C7orf33: variants seen among roughly 807,000 people sequenced by gnomAD.
The protein encoded by C7orf33 is chromosome 7 open reading frame 33.
Under a neutral mutation model 13.4 loss-of-function variants are expected in C7orf33, and 15 were observed. The observed-to-expected ratio is 1.12, with a 90% CI of 0.75 to 1.72. C7orf33 has a LOEUF of 1.72. Ranked by LOEUF, C7orf33 falls within the 40% of genes most tolerant of loss-of-function variation. The probability of loss-of-function intolerance (pLI) is 0.00; values close to 1 mark genes in which losing one functional copy is unlikely to be tolerated. For missense variants in C7orf33, 187 were observed against 220.3 expected, an observed-to-expected ratio of 0.85 and a Z score of 0.96; for synonymous variants, 73 against 83.2, an observed-to-expected ratio of 0.88 and a Z score of 0.67.
intron 1 of C7orf33, among the ~76,000 whole-genome samples, chr7:148,599,925 G>A (rs932423931): frequency 2.6e-5 from 4 of 152,128 alleles, no homozygotes; most frequent in African/African-American, 9.7e-5. Context: ...CACAGCTTAC[G>A]CGTCCAAACT....
At chr7:148,600,129 A>C (rs1189301748) in intron 1 of C7orf33, among the ~76,000 whole-genome samples, 3 of 152,102 alleles carry the variant, frequency 2.0e-5, no homozygotes, top group Non-Finnish European at 4.4e-5. Context: ...ACCTCTAGCC[A>C]TTTGGGGATG....
chr7:148,600,580 C>T (rs1186428156), intron 1 of C7orf33, among the ~76,000 whole-genome samples: 1 of 152,146 alleles, frequency 6.6e-6, no homozygotes, highest in African/African-American at 2.4e-5. Flanking sequence ...ATGAGGTTTT[C>T]AAATTTTCAA....
intron 1 of C7orf33, among the ~76,000 whole-genome samples, chr7:148,596,818 C>T (rs1007328238): frequency 6.6e-6 from 1 of 152,146 alleles, no homozygotes; most frequent in African/African-American, 2.4e-5. Flanking sequence ...CCACTCCCTT[C>T]CTCCCCCACT....
At chr7:148,607,625 G>A (rs1796488964) in intron 1 of C7orf33, among the ~76,000 whole-genome samples, 1 of 152,082 alleles carries the variant, frequency 6.6e-6, no homozygotes, top group Admixed American at 6.6e-5. Context: ...CTATCTGACT[G>A]ATCAGAAGAC....
intron 1 of C7orf33, among the ~76,000 whole-genome samples, chr7:148,607,073 T>C (rs1796481949): frequency 6.6e-6 from 1 of 151,962 alleles, no homozygotes; most frequent in Admixed American, 6.6e-5. Context: ...CTCAAAGAAA[T>C]AGCTTTGAAT....
chr7:148,608,165 ACGCCTG>A (rs1330786270), intron 1 of C7orf33, among the ~76,000 whole-genome samples: 1 of 152,234 alleles, frequency 6.6e-6, no homozygotes, highest in Non-Finnish European at 1.5e-5. Context: ...GCTGTGGCTT[ACGCCTG>A]TATTCCCAGC....
intron 1 of C7orf33, among the ~76,000 whole-genome samples, chr7:148,600,895 C>T (rs747555365): frequency 4.6e-5 from 7 of 151,204 alleles, no homozygotes; most frequent in Non-Finnish European, 7.4e-5. Flanking sequence ...CTCCACCTCC[C>T]GGGTTGAAGC....
At chr7:148,591,686 TCCTCCCAGAGGAG>T (rs1375008178) in intron 1 of C7orf33, among the ~76,000 whole-genome samples, 11 of 152,266 alleles carry the variant, frequency 7.2e-5, no homozygotes, top group African/African-American at 2.6e-4. Context: ...CTTCAAGTGA[TCCTCCCAGAGGAG>T]CCTCCCGGGT....
chr7:148,615,412 G>A lies in C7orf33; in HGVS notation c.*11G>A. On this transcript the variant is annotated 3_prime_UTR_variant, in exon 3 of 3. Transcript: ENST00000307003. ...ACTGACAGCAGTTAAGAATTTTGCA[G>A]AATCTAAGAGTCACATCTCTAAATT... 4 of 1,562,208 alleles carry A rather than the reference G, an allele frequency of 2.6e-6. No individual in the cohort carries two copies. The South Asian group carries it at 4.4e-5, about 17-fold the overall frequency.
intron 1 of C7orf33, among the ~76,000 whole-genome samples, chr7:148,599,709 G>A (rs1471472045): frequency 1.3e-5 from 2 of 151,888 alleles, no homozygotes; most frequent in Non-Finnish European, 2.9e-5. Context: ...TCCTGACCTC[G>A]TGATCCACCC....
intron 2 of C7orf33, 24 bp from the exon 3 acceptor site, chr7:148,615,303 G>A: frequency 6.6e-7 from 1 of 1,521,968 alleles, no homozygotes; most frequent in East Asian, 2.3e-5. Flanking sequence ...TGAGATAACA[G>A]AAGTCTTCGT....
intron 1 of C7orf33, among the ~76,000 whole-genome samples, chr7:148,603,421 G>A (rs754501422): frequency 2.0e-5 from 3 of 152,072 alleles, no homozygotes; most frequent in African/African-American, 4.8e-5. Flanking sequence ...GCCGAAAATC[G>A]CTTGAACTTG....
intron 1 of C7orf33, among the ~76,000 whole-genome samples, chr7:148,600,741 G>A (rs1796402325): frequency 6.6e-6 from 1 of 151,322 alleles, no homozygotes; most frequent in African/African-American, 2.4e-5. Flanking sequence ...ATCTTTCAAA[G>A]GACCAGCTTT....
intron 2 of C7orf33, among the ~76,000 whole-genome samples, 184 bp from the exon 3 acceptor site, chr7:148,615,143 T>G (rs554415363): frequency 6.6e-6 from 1 of 152,304 alleles, no homozygotes; most frequent in East Asian, 1.9e-4. Flanking sequence ...TTTGCCATGC[T>G]GCCCAGGCTG....
At chr7:148,608,212 G>A (rs1466920957) in intron 1 of C7orf33, among the ~76,000 whole-genome samples, 1 of 152,092 alleles carries the variant, frequency 6.6e-6, no homozygotes. Flanking sequence ...GGCGGATCAC[G>A]AGGTCAAGAT....
At chr7:148,596,340 T>C (rs1330022425) in intron 1 of C7orf33, among the ~76,000 whole-genome samples, 1 of 152,152 alleles carries the variant, frequency 6.6e-6, no homozygotes, top group Non-Finnish European at 1.5e-5. Context: ...TTACAGTGGG[T>C]TTGGACAAAT....
chr7:148,591,606 T>A (rs1796272595), intron 1 of C7orf33, among the ~76,000 whole-genome samples: 1 of 152,026 alleles, frequency 6.6e-6, no homozygotes, highest in African/African-American at 2.4e-5. Context: ...TTAGAGATAG[T>A]ATCTTGCTCT....
chr7:148,590,877 G>A lies in C7orf33; in HGVS notation c.-49G>A. 1 of 1,541,224 alleles carries A rather than the reference G, an allele frequency of 6.5e-7. No individual in the cohort carries two copies. Among genetic ancestry groups the A allele is most frequent in the Non-Finnish European group, 9.0e-7 (1 of 1,114,510 alleles). The stretch of plus-strand genomic sequence containing the variant: ...CTTGATCTTAGATATTGGTGGTGAA[G>A]CGCCGCTCTCCTTGACAGCATCCAG... On this transcript the variant is annotated 5_prime_UTR_variant, in exon 1 of 3. Coordinates refer to ENST00000307003, the MANE Select transcript of C7orf33 (RefSeq NM_145304.4).
Position 148,591,110 on chromosome 7 carries a change from A to G in C7orf33, c.185A>G (p.Tyr62Cys), listed in dbSNP as rs766521085. The change falls in exon 1 of 3, where the codon TAT (tyrosine) becomes TGT (cysteine). Residue 62 changes from tyrosine to cysteine, a missense_variant. Coordinates refer to ENST00000307003, the MANE Select transcript of C7orf33 (RefSeq NM_145304.4). Reference protein sequence around the residue: ...RGGPGQFNLSYATGRHKKPNP... With the variant: ...RGGPGQFNLSCATGRHKKPNP... The stretch of plus-strand genomic sequence containing the variant: ...GGTCCAGGTCAATTTAACTTGTCAT[A>G]TGCCACGGGAAGACATAAGGTAAGT... 6.2e-7 allele frequency: 1 copy of G among 1,613,484 alleles called. No homozygotes were observed.
Sources: gnomAD v4.1 joint callset for allele counts (sites outside exome capture counted in the v4.1 genomes callset) on GRCh38, gnomAD v4.1.1 for gene constraint, MANE v1.5 for transcripts, NCBI Gene and HGNC (gene_info 2026-07-23, HGNC 2026-07-21) for gene names.